The following ADAMTS17 variants were observed in gnomAD, a reference collection of about 807,000 sequenced individuals.
ADAMTS17 encodes ADAM metallopeptidase with thrombospondin type 1 motif 17, also known as A disintegrin and metalloproteinase with thrombospondin motifs 17.
ADAMTS17 carries 113 observed loss-of-function variants against 141.5 expected under a neutral mutation model. That is an observed-to-expected ratio of 0.80 (90% CI 0.69 to 0.93). ADAMTS17 has a LOEUF of 0.93. Ranked by LOEUF, ADAMTS17 falls within the 40% of genes least tolerant of loss-of-function variation. ADAMTS17 has a pLI of 0.00. For missense variants in ADAMTS17, 1,659 were observed against 1,517.9 expected, an observed-to-expected ratio of 1.09 and a Z score of -1.54; for synonymous variants, 768 against 630.6, an observed-to-expected ratio of 1.22 and a Z score of -3.27.
intron 8 of ADAMTS17, among the ~76,000 whole-genome samples, chr15:100,174,248 T>C (rs2040258121): frequency 6.7e-6 from 1 of 150,308 alleles, no homozygotes; most frequent in Non-Finnish European, 1.5e-5. Flanking sequence ...AGATTCCCAA[T>C]TTTGGGTGAG....
chr15:100,150,584 G>A (rs2039114870), intron 10 of ADAMTS17, among the ~76,000 whole-genome samples: 1 of 152,206 alleles, frequency 6.6e-6, no homozygotes, highest in Non-Finnish European at 1.5e-5. Context: ...TCCTCCCTCT[G>A]TCCCTCCTCA....
At chr15:99,975,904 G>C (rs2060312988) in intron 21 of ADAMTS17, 141 bp downstream of exon 21, 1 of 977,962 alleles carries the variant, frequency 1.0e-6, no homozygotes, top group African/African-American at 1.6e-5. Context: ...CTCTTCTACA[G>C]AACTGACAAA....
At chr15:100,228,619 C>T (rs539900180) in intron 7 of ADAMTS17, among the ~76,000 whole-genome samples, 3 of 152,278 alleles carry the variant, frequency 2.0e-5, no homozygotes, top group East Asian at 1.9e-4. Flanking sequence ...TGAGAGACCA[C>T]GAGAGAGCGC....
intron 4 of ADAMTS17, among the ~76,000 whole-genome samples, chr15:100,264,733 G>C (rs2043648936): frequency 6.6e-6 from 1 of 152,046 alleles, no homozygotes; most frequent in South Asian, 2.1e-4. Context: ...CCAAAGCTCA[G>C]TCGCCTCCCT....
chr15:100,064,655 G>C (rs1019861700), intron 15 of ADAMTS17, among the ~76,000 whole-genome samples: 1 of 152,052 alleles, frequency 6.6e-6, no homozygotes, highest in Non-Finnish European at 1.5e-5. Flanking sequence ...GTATAGTTTT[G>C]TCCATTTCCT....
At chr15:99,991,000 C>G (rs554700911) in intron 20 of ADAMTS17, among the ~76,000 whole-genome samples, 32 of 152,138 alleles carry the variant, frequency 2.1e-4, no homozygotes, top group African/African-American at 7.5e-4. Flanking sequence ...CCTTTCCTTA[C>G]ACCTTGTACA....
intron 12 of ADAMTS17, among the ~76,000 whole-genome samples, chr15:100,127,463 C>G (rs968942722): frequency 6.6e-6 from 1 of 152,218 alleles, no homozygotes; most frequent in East Asian, 1.9e-4. Context: ...AAGCACTGTG[C>G]TGACACCTTG....
intron 14 of ADAMTS17, among the ~76,000 whole-genome samples, chr15:100,098,189 G>T (rs2035878341): frequency 1.3e-5 from 2 of 152,132 alleles, no homozygotes; most frequent in African/African-American, 4.8e-5. Flanking sequence ...GACACATATG[G>T]TAACTGGCAA....
At chr15:100,000,456 G>A (rs1287935326) in intron 18 of ADAMTS17, among the ~76,000 whole-genome samples, 1 of 152,194 alleles carries the variant, frequency 6.6e-6, no homozygotes, top group African/African-American at 2.4e-5. Flanking sequence ...CCTGGAAGCA[G>A]CAAGAATGAA....
intron 3 of ADAMTS17, among the ~76,000 whole-genome samples, chr15:100,308,168 G>T (rs188981771): frequency 6.6e-6 from 1 of 152,148 alleles, no homozygotes; most frequent in Non-Finnish European, 1.5e-5. Context: ...AACGGTCTCC[G>T]CTTTTTCTCC....
chr15:100,008,549 GGCCTTGGCC>G (rs1243775258), intron 18 of ADAMTS17, among the ~76,000 whole-genome samples: 1 of 152,234 alleles, frequency 6.6e-6, no homozygotes, highest in African/African-American at 2.4e-5. Context: ...GGGAAGGCTT[GGCCTTGGCC>G]AGCGCTGGAC....
chr15:100,046,625 T>A (rs1166936599), intron 18 of ADAMTS17, among the ~76,000 whole-genome samples: 1 of 152,226 alleles, frequency 6.6e-6, no homozygotes, highest in Non-Finnish European at 1.5e-5. Context: ...AAATAAATAC[T>A]TTTATAATTT....
chr15:100,074,089 C>T (rs959823764), intron 15 of ADAMTS17: 1 of 152,876 alleles, frequency 6.5e-6, no homozygotes, highest in African/African-American at 2.4e-5. Flanking sequence ...ATGGTATAAA[C>T]ATATATATTT....
intron 14 of ADAMTS17, among the ~76,000 whole-genome samples, chr15:100,099,748 GATGGTATGA>G (rs2035981641): frequency 1.4e-5 from 2 of 140,272 alleles, no homozygotes; most frequent in African/African-American, 5.3e-5. Context: ...GATGGTATGA[GATGGTATGA>G]GATGGGATGG....
intron 7 of ADAMTS17, among the ~76,000 whole-genome samples, chr15:100,229,886 CT>C (rs1167546805): frequency 2.0e-5 from 3 of 152,192 alleles, no homozygotes; most frequent in African/African-American, 7.2e-5. Context: ...GCCACAGCAC[CT>C]TCCCTGACCA....
At chr15:100,100,637 A>C (rs1186935405) in intron 14 of ADAMTS17, among the ~76,000 whole-genome samples, 2 of 152,036 alleles carry the variant, frequency 1.3e-5, no homozygotes, top group South Asian at 2.1e-4. Flanking sequence ...TGTGCCCTGA[A>C]AACCTCTGTT....
intron 3 of ADAMTS17, among the ~76,000 whole-genome samples, chr15:100,292,815 G>C (rs2044689777): frequency 2.0e-5 from 3 of 152,154 alleles, no homozygotes; most frequent in African/African-American, 7.2e-5. Context: ...TAAAACCAGA[G>C]GGGGAAAAAA....
At chr15:100,328,697 T>A (rs1308225221) in intron 3 of ADAMTS17, among the ~76,000 whole-genome samples, 1 of 152,170 alleles carries the variant, frequency 6.6e-6, no homozygotes, top group Non-Finnish European at 1.5e-5. Context: ...AAACTCTCCT[T>A]AGGGACAAAA....
intron 3 of ADAMTS17, among the ~76,000 whole-genome samples, chr15:100,311,169 G>C (rs2045392238): frequency 6.6e-6 from 1 of 152,230 alleles, no homozygotes; most frequent in Non-Finnish European, 1.5e-5. Context: ...CTGCCGGGAG[G>C]GAAGCCGGGT....
Sources: allele counts gnomAD v4.1 joint callset (sites outside exome capture counted in the v4.1 genomes callset), GRCh38; gene constraint gnomAD v4.1.1; transcripts MANE v1.5; gene names NCBI Gene and HGNC (gene_info 2026-07-23, HGNC 2026-07-21).